The following OPHN1 variants were observed in gnomAD, a reference collection of about 807,000 sequenced individuals.
OPHN1 encodes the protein oligophrenin-1.
A neutral mutation model predicts 60.7 loss-of-function variants in OPHN1; 11 were observed. The ratio of observed to expected loss-of-function variants is 0.18; its 90% CI spans 0.11 to 0.30. The LOEUF (loss-of-function observed/expected upper bound fraction) is 0.30, where lower values mean the gene tolerates loss of function less well. OPHN1 is among the 10% of genes least tolerant of loss of function. The probability of loss-of-function intolerance (pLI) is 1.00; values close to 1 mark genes in which losing one functional copy is unlikely to be tolerated. For missense variants in OPHN1, 449 were observed against 611.0 expected (o/e 0.73, Z 2.80); for synonymous variants, 226 against 222.6 (o/e 1.02, Z -0.14).
intron 15 of OPHN1, among the ~76,000 whole-genome samples, chrX:68,145,266 T>G (rs769144395): frequency 3.6e-5 from 4 of 111,832 alleles, no homozygotes; most frequent in Non-Finnish European, 7.5e-5. Flanking sequence ...AAAACCAGCT[T>G]ACATCTTGGT....
chrX:68,184,526 GAA>G (rs375862781), intron 15 of OPHN1, among the ~76,000 whole-genome samples: 6 of 63,338 alleles, frequency 9.5e-5, no homozygotes, highest in African/African-American at 2.8e-4. Flanking sequence ...CGTCTCAAAA[GAA>G]AAAAAAAAAA....
intron 8 of OPHN1, 94 bp downstream of exon 8, chrX:68,212,014 T>C (rs952492737): frequency 6.9e-6 from 4 of 583,782 alleles, no homozygotes; most frequent in Middle Eastern, 3.1e-4. Context: ...TTGGCTAGGA[T>C]GCAGTAACCT....
intron 20 of OPHN1, chrX:68,071,668 T>C: frequency 3.7e-6 from 2 of 540,652 alleles, no homozygotes; most frequent in Middle Eastern, 7.9e-4. Context: ...TTGTTTGTTA[T>C]CTGGTTATTC....
intron 19 of OPHN1, among the ~76,000 whole-genome samples, chrX:68,083,166 G>A (rs771416912): frequency 1.2e-3 from 108 of 91,226 alleles, no homozygotes; most frequent in Non-Finnish European, 1.7e-3. Context: ...TCCGCTTCCC[G>A]GGTTCACGCC....
At position 68,044,699 on chromosome X, in the gene OPHN1, C is replaced by T. The variant is rs1439139008; in HGVS notation, c.*2473G>A. ...TTTAAGTCAGAGTGCCAAAGGCAGGCGTTGAAATTCATTCTTTGGCATTCT... is the reference window on the plus strand; with the variant it reads ...TTTAAGTCAGAGTGCCAAAGGCAGGTGTTGAAATTCATTCTTTGGCATTCT... On this transcript the variant is annotated 3_prime_UTR_variant, in exon 25 of 25. Transcript: ENST00000355520. The T allele has an allele frequency of 2.7e-5, 3 of 112,387 alleles. No homozygotes were observed. The highest frequency in any genetic ancestry group is 9.4e-5 in the Admixed American group (1 of 10,631). 9.3% of individuals were successfully genotyped at this position (112,387 alleles called of 1,213,427 possible).
intron 2 of OPHN1, among the ~76,000 whole-genome samples, chrX:68,303,323 C>T (rs1005060250): frequency 2.1e-4 from 24 of 111,709 alleles, no homozygotes; most frequent in African/African-American, 7.8e-4. Context: ...AATATGGAAT[C>T]GACCTAAGTG....
At chrX:68,215,376 G>A (rs1366977942) in intron 6 of OPHN1, among the ~76,000 whole-genome samples, 3 of 111,488 alleles carry the variant, frequency 2.7e-5, no homozygotes, top group Admixed American at 9.6e-5. Flanking sequence ...AGTACCAATA[G>A]GAGAAGAAAA....
At chrX:68,243,756 T>C (rs1193923904) in intron 5 of OPHN1, among the ~76,000 whole-genome samples, 4 of 111,873 alleles carry the variant, frequency 3.6e-5, no homozygotes, top group Non-Finnish European at 7.5e-5. Flanking sequence ...ACTCAAATCT[T>C]GGTTCTATAA....
intron 2 of OPHN1, among the ~76,000 whole-genome samples, chrX:68,371,781 G>A (rs960203160): frequency 2.7e-5 from 3 of 112,111 alleles, no homozygotes; most frequent in African/African-American, 6.5e-5. Context: ...CAGTCACCCG[G>A]GCTGCCGGGC....
chrX:68,359,042 G>T (rs1370801102), intron 2 of OPHN1, among the ~76,000 whole-genome samples: 2 of 111,646 alleles, frequency 1.8e-5, no homozygotes, highest in African/African-American at 6.5e-5. Context: ...GAGCCAGTGT[G>T]GCTAGGATTC....
chrX:68,253,877 A>T (rs2077848182), intron 5 of OPHN1, among the ~76,000 whole-genome samples: 1 of 111,673 alleles, frequency 9.0e-6, no homozygotes, highest in Non-Finnish European at 1.9e-5. Context: ...CTGCCCTTAG[A>T]AAGATTCACA....
At chrX:68,293,107 C>A (rs780591080) in intron 3 of OPHN1, among the ~76,000 whole-genome samples, 15 of 111,984 alleles carry the variant, frequency 1.3e-4, no homozygotes, top group Non-Finnish European at 2.3e-4. Context: ...TACTTAAATA[C>A]AATCTTTTAC....
chrX:68,423,812 TTATC>T (rs1419539054), intron 2 of OPHN1, among the ~76,000 whole-genome samples: 5 of 112,031 alleles, frequency 4.5e-5, no homozygotes, highest in African/African-American at 1.6e-4. Flanking sequence ...TACCTTTTAT[TTATC>T]CATTTTTCAG....
At chrX:68,115,094 C>T (rs980347442) in intron 16 of OPHN1, among the ~76,000 whole-genome samples, 1 of 112,014 alleles carries the variant, frequency 8.9e-6, no homozygotes, top group East Asian at 2.8e-4. Context: ...TGAGGTCTTC[C>T]GATATTTCTT....
intron 3 of OPHN1, among the ~76,000 whole-genome samples, chrX:68,290,734 G>C (rs966019151): frequency 1.8e-5 from 2 of 109,160 alleles, no homozygotes; most frequent in African/African-American, 6.7e-5. Context: ...CCACAGTCCT[G>C]CCACTGCACT....
intron 2 of OPHN1, among the ~76,000 whole-genome samples, chrX:68,400,073 A>G (rs914453350): frequency 1.1e-4 from 12 of 110,633 alleles, no homozygotes; most frequent in Admixed American, 8.7e-4. Flanking sequence ...AACCAATCAG[A>G]CTGACTCTGG....
intron 19 of OPHN1, among the ~76,000 whole-genome samples, chrX:68,081,973 T>G (rs1004984103): frequency 8.9e-6 from 1 of 112,374 alleles, no homozygotes; most frequent in Non-Finnish European, 1.9e-5. Flanking sequence ...TTATGCAATA[T>G]TCTAAATCCT....
intron 5 of OPHN1, among the ~76,000 whole-genome samples, chrX:68,240,103 G>A (rs2077773475): frequency 8.9e-6 from 1 of 112,280 alleles, no homozygotes; most frequent in Non-Finnish European, 1.9e-5. Context: ...GAGCCACTGC[G>A]CCCGGCCAAT....
At chrX:68,222,350 C>A (rs1191000486) in intron 6 of OPHN1, among the ~76,000 whole-genome samples, 6 of 108,074 alleles carry the variant, frequency 5.6e-5, no homozygotes, top group Non-Finnish European at 7.7e-5. Flanking sequence ...ACTAGTTCAA[C>A]CATTGTGGAA....
Sources: allele counts gnomAD v4.1 joint callset (sites outside exome capture counted in the v4.1 genomes callset), GRCh38; gene constraint gnomAD v4.1.1; transcripts MANE v1.5; gene names NCBI Gene and HGNC (gene_info 2026-07-23, HGNC 2026-07-21).